Variants in KCNC1 observed in about 807,000 individuals in gnomAD.
KCNC1 encodes potassium voltage-gated channel subfamily C member 1, also known as voltage-gated potassium channel KCNC1.
KCNC1 carries 8 observed loss-of-function variants against 43.4 expected under a neutral mutation model. The observed-to-expected ratio is 0.18, with a 90% CI of 0.11 to 0.33. KCNC1 has a LOEUF of 0.33. KCNC1 is among the 10% of genes least tolerant of loss of function. KCNC1 has a pLI of 1.00. For missense variants in KCNC1, 420 were observed against 836.0 expected (o/e 0.50, Z 6.14); for synonymous variants, 361 against 360.5 (o/e 1.00, Z -0.01).
At position 17,781,282 on chromosome 11, in the gene KCNC1, C is replaced by G. The variant is rs865836133; in HGVS notation, c.1694-388C>G. 2.4e-5 allele frequency: 5 copies of G among 210,258 alleles called. No homozygotes were observed. The Middle Eastern group carries it at 6.9e-3, about 289-fold the overall frequency. 13.0% of individuals were successfully genotyped at this position (210,258 alleles called of 1,614,324 possible). A position where few individuals can be genotyped will look rare whatever the true frequency, so the allele number is the denominator to read the frequency against. ...CCACAGGAGATACCCATTCCTCAGTCCCACCGAGGCTTAGGTGCCAGAGTC... is the reference window on the plus strand; with the variant it reads ...CCACAGGAGATACCCATTCCTCAGTGCCACCGAGGCTTAGGTGCCAGAGTC... On this transcript the variant is annotated intron_variant, in intron 3 of 3. Coordinates refer to ENST00000265969, the MANE Select transcript of KCNC1 (RefSeq NM_001112741.2). The surrounding 1 kb of genome is among the most constrained non-coding windows in gnomAD (Gnocchi z 5.1).
chr11:17,756,695 TA>T (rs1475638722), intron 1 of KCNC1, among the ~76,000 whole-genome samples: 1 of 152,166 alleles, frequency 6.6e-6, no homozygotes, highest in Non-Finnish European at 1.5e-5. Flanking sequence ...TTTTCTCATC[TA>T]CCAAATGGAA....
chr11:17,751,533 GGCAGAGTGGAGT>G (rs1317663892), intron 1 of KCNC1, among the ~76,000 whole-genome samples: 2 of 152,226 alleles, frequency 1.3e-5, no homozygotes, highest in Non-Finnish European at 1.5e-5. Flanking sequence ...CAGGGCAGTA[GGCAGAGTGGAGT>G]GGCCCAGTAC....
chr11:17,774,620 T>A (rs1849265358), intron 2 of KCNC1: 1 of 985,474 alleles, frequency 1.0e-6, no homozygotes, highest in Non-Finnish European at 1.2e-6. Context: ...GGATTGCCCC[T>A]GAGCTCCACA....
In KCNC1 at chr11:17,773,081, G is replaced by A. The variant is rs1430320311; in HGVS notation, c.1504+483G>A. 10 of 997,256 alleles carry A rather than the reference G, an allele frequency of 1.0e-5. No homozygotes were observed. Among genetic ancestry groups the A allele is most frequent in the Non-Finnish European group, 1.2e-5 (10 of 837,866 alleles). 61.8% of individuals were successfully genotyped at this position (997,256 alleles called of 1,614,324 possible). The stretch of plus-strand genomic sequence containing the variant: ...GGCAGAGATGGTGCATGGGATCTGG[G>A]CAGGAGGGTCCCTTGCAAAGGCAGG... On this transcript the variant is annotated intron_variant, in intron 2 of 3. Coordinates refer to ENST00000265969, the MANE Select transcript of KCNC1 (RefSeq NM_001112741.2). This position sits in a 1 kb window ranked among gnomAD's most constrained non-coding sequence, Gnocchi z 4.1.
rs1849221528 is a variant in KCNC1, at chr11:17,771,138, A to G, written c.571-527A>G. Among the ~76,000 whole-genome samples, 1 of 152,200 alleles carries G rather than the reference A, an allele frequency of 6.6e-6. No homozygotes were observed. The highest frequency in any genetic ancestry group is 1.5e-5 in the Non-Finnish European group (1 of 68,024). On this transcript the variant is annotated intron_variant, in intron 1 of 3. Coordinates refer to ENST00000265969, the MANE Select transcript of KCNC1 (RefSeq NM_001112741.2). The surrounding 1 kb of genome is among the most constrained non-coding windows in gnomAD (Gnocchi z 4.7). ...AGGGAGGTACAGACCCATGGAAAAG[A>G]GCAAAGAGCCTGGAGTTGGGAGAAC...
intron 1 of KCNC1, among the ~76,000 whole-genome samples, chr11:17,751,107 T>C (rs1223190185): frequency 2.0e-5 from 3 of 152,212 alleles, no homozygotes; most frequent in Non-Finnish European, 4.4e-5. Context: ...AATCATTTAT[T>C]TGTCCAAGAC....
intron 1 of KCNC1, among the ~76,000 whole-genome samples, chr11:17,770,248 C>T (rs978243004): frequency 6.6e-6 from 1 of 152,254 alleles, no homozygotes. Flanking sequence ...TCTATGAGGG[C>T]AGGTCAGAGA....
At chr11:17,760,527 A>G (rs1240039034) in intron 1 of KCNC1, among the ~76,000 whole-genome samples, 1 of 152,166 alleles carries the variant, frequency 6.6e-6, no homozygotes, top group Non-Finnish European at 1.5e-5. Flanking sequence ...CTGGGGACTA[A>G]CATTCAGGTT....
intron 1 of KCNC1, among the ~76,000 whole-genome samples, chr11:17,751,582 A>G (rs1848969386): frequency 1.3e-5 from 2 of 152,180 alleles, no homozygotes; most frequent in Non-Finnish European, 2.9e-5. Context: ...GGACTGCCAG[A>G]TGCAGGAGGT....
chr11:17,766,225 T>G (rs894617766), intron 1 of KCNC1, among the ~76,000 whole-genome samples: 1 of 152,216 alleles, frequency 6.6e-6, no homozygotes. Context: ...CCCAAGTGTT[T>G]CTGGTGGTGT....
At position 17,751,499 on chromosome 11, in the gene KCNC1, G is replaced by A. The variant is rs186682642; in HGVS notation, c.570+14927G>A. ...CTCACAGGATGAACACATCCTGGACGATGGGACTTGGAAGCATGGACTTCA... is the reference window on the plus strand; with the variant it reads ...CTCACAGGATGAACACATCCTGGACAATGGGACTTGGAAGCATGGACTTCA... On this transcript the variant is annotated intron_variant, in intron 1 of 3. Transcript: ENST00000265969. 1.6e-4 allele frequency among the ~76,000 whole-genome samples: 25 copies of A among 152,336 alleles called. No homozygotes were observed. The East Asian group carries it at 4.4e-3, about 27-fold the overall frequency.
At chr11:17,774,383 A>G in intron 2 of KCNC1, 1 of 985,496 alleles carries the variant, frequency 1.0e-6, no homozygotes, top group Non-Finnish European at 1.2e-6. Context: ...CCTCCCCGAC[A>G]CTGGATCTTT....
rs1318620978 is a variant in KCNC1, at chr11:17,739,050, C to G, written c.570+2478C>G. Among the ~76,000 whole-genome samples, 1 of 152,230 alleles carries G rather than the reference C, an allele frequency of 6.6e-6. No homozygotes were observed. Among genetic ancestry groups the G allele is most frequent in the African/African-American group, 2.4e-5 (1 of 41,474 alleles). On this transcript the variant is annotated intron_variant, in intron 1 of 3. Transcript: ENST00000265969. The surrounding 1 kb of genome is among the most constrained non-coding windows in gnomAD (Gnocchi z 4.2). ...GCCGCCCGCCCGGCTGGCCTAGCTG[C>G]ACTGCGCTGCCTCTCTGCGGCTCAT...
chr11:17,743,748 T>C (rs981197397), intron 1 of KCNC1, among the ~76,000 whole-genome samples: 3 of 152,224 alleles, frequency 2.0e-5, no homozygotes, highest in Non-Finnish European at 2.9e-5. Flanking sequence ...CTGGTCCTCA[T>C]TGGCAGCCCT....
rs201621530 is a variant in KCNC1 at position 17,772,566 on chromosome 11, C to G, written c.1472C>G (p.Ala491Gly). The G allele has an allele frequency of 3.7e-6, 6 of 1,613,218 alleles. No individual in the cohort carries two copies. Among genetic ancestry groups the G allele is most frequent in the Non-Finnish European group, 5.1e-6 (6 of 1,179,368 alleles). ...HSTQSDTCPLAQEEILEINRA... is the reference protein window; with the variant it reads ...HSTQSDTCPLGQEEILEINRA... Reference sequence around the variant, plus strand: ...ACTCAGAGTGACACATGTCCGCTGGCCCAGGAAGAAATTTTAGAAATTAAC... The same window carrying G: ...ACTCAGAGTGACACATGTCCGCTGGGCCAGGAAGAAATTTTAGAAATTAAC... The change falls in exon 2 of 4, where the codon GCC becomes GGC. Residue 491 changes from alanine (A) to glycine (G), a missense_variant. Around this residue, in one of 5 missense-constraint regions of KCNC1, gnomAD observed 147 missense variants for 176.1 expected, o/e 0.83. Coordinates refer to ENST00000265969, the MANE Select transcript of KCNC1 (RefSeq NM_001112741.2).
At chr11:17,758,645 A>C (rs1849045528) in intron 1 of KCNC1, among the ~76,000 whole-genome samples, 1 of 152,236 alleles carries the variant, frequency 6.6e-6, no homozygotes, top group Non-Finnish European at 1.5e-5. Flanking sequence ...AACAACATTC[A>C]TCTCCTTGTA....
intron 1 of KCNC1, among the ~76,000 whole-genome samples, chr11:17,738,587 C>A (rs941359718): frequency 6.6e-6 from 1 of 152,078 alleles, no homozygotes; most frequent in Non-Finnish European, 1.5e-5. Context: ...AGGCAGGGGG[C>A]AGTGGGGCAT....
intron 1 of KCNC1, among the ~76,000 whole-genome samples, chr11:17,754,134 G>C (rs1760134420): frequency 6.6e-6 from 1 of 152,226 alleles, no homozygotes; most frequent in South Asian, 2.1e-4. Context: ...TGTGCCTGCT[G>C]CCAGTGTAGA....
chr11:17,745,281 G>T (rs1454024125), intron 1 of KCNC1, among the ~76,000 whole-genome samples: 1 of 152,158 alleles, frequency 6.6e-6, no homozygotes, highest in African/African-American at 2.4e-5. Flanking sequence ...TGGGCCTGGG[G>T]TGAGGCCCCA....
Sources: allele counts gnomAD v4.1 joint callset (sites outside exome capture counted in the v4.1 genomes callset), GRCh38; gene constraint gnomAD v4.1.1; regional missense constraint gnomAD v4.1.1; non-coding constraint Gnocchi (gnomAD v3.1); transcripts MANE v1.5; gene names NCBI Gene and HGNC (gene_info 2026-07-23, HGNC 2026-07-21).